The following SLFNL1 variants were observed in gnomAD, a reference collection of about 807,000 sequenced individuals.
SLFNL1 encodes the protein schlafen like 1, also known as schlafen-like protein 1.
In SLFNL1, 26 loss-of-function variants were observed where a neutral mutation model predicts 32.5. That is an observed-to-expected ratio of 0.80 (90% confidence interval 0.59 to 1.11). The LOEUF (loss-of-function observed/expected upper bound fraction) is 1.11. Ranked by LOEUF, SLFNL1 falls within the 50% of genes least tolerant of loss-of-function variation. SLFNL1 has a pLI of 0.00. For synonymous variants in SLFNL1, 255 were observed against 242.2 expected, an observed-to-expected ratio of 1.05 and a Z score of -0.49; for missense variants, 553 against 546.5, an observed-to-expected ratio of 1.01 and a Z score of -0.12.
In SLFNL1 at chr1:41,016,331, C is replaced by G; in HGVS notation, c.1102-103G>C. ...GAGGGAGGAAGGCAAAGCCCAGGAG[C>G]CTGAGAGCTTTCTCAGCTAGGGGAA... On this transcript the variant is annotated intron_variant, in intron 5 of 5. Coordinates refer to ENST00000302946, the MANE Select transcript of SLFNL1 (RefSeq NM_144990.4). 8 of 1,503,740 alleles carry G rather than the reference C, an allele frequency of 5.3e-6. No individual in the cohort carries two copies. The South Asian group carries it at 1.1e-4, about 20-fold the overall frequency. The allele number at this position is 1,503,740 out of a possible 1,614,324, so 93.1% of individuals were successfully genotyped here.
chr1:41,018,233 A>AC (rs1482430034), intron 3 of SLFNL1, 77 bp from the exon 4 acceptor site: 10 of 1,375,192 alleles, frequency 7.3e-6, no homozygotes, highest in Non-Finnish European at 9.5e-6. Context: ...GACTGCAAGA[A>AC]CCCCCAGTCA....
At position 41,015,967 on chromosome 1, in the gene SLFNL1, T is replaced by A; in HGVS notation, c.*139A>T. Reference sequence around the variant, plus strand: ...GGGTTGAAGCCACATGGGTGCCTGCTCATGTGCCATGTTGAAGGAGTCCCT... The same window carrying A: ...GGGTTGAAGCCACATGGGTGCCTGCACATGTGCCATGTTGAAGGAGTCCCT... On this transcript the variant is annotated 3_prime_UTR_variant, in exon 6 of 6. Transcript: ENST00000302946. 2 of 1,189,112 alleles carry A rather than the reference T, an allele frequency of 1.7e-6. No homozygotes were observed. Among genetic ancestry groups the A allele is most frequent in the Non-Finnish European group, 2.3e-6 (2 of 855,962 alleles). 73.7% of individuals were successfully genotyped at this position (1,189,112 alleles called of 1,614,324 possible).
rs370312980 is a variant in SLFNL1, at chr1:41,017,695, A to C, written c.897T>G (p.Asp299Glu). The C allele has an allele frequency of 4.4e-6, 7 of 1,579,396 alleles. No individual in the cohort carries two copies. The African/African-American group carries it at 9.4e-5, about 21-fold the overall frequency. Residue 299 changes from aspartate (D) to glutamate (E), a missense_variant, in exon 4 of 6, where the codon GAT becomes GAG. Physicochemically the swap from Asp to Glu is conservative, Grantham distance 45. Coordinates refer to ENST00000302946, the MANE Select transcript of SLFNL1 (RefSeq NM_144990.4). This position sits in a 1 kb window ranked among gnomAD's most constrained non-coding sequence, Gnocchi z 4.9. ...CAGGGATGAAGGTGAGAGTGTAGGC[A>C]TCGGGAAAGATCTGAGGCTTGAAGC... ...LQGFKPQIFP[D>E]AYTLTFIPVI...
Position 41,017,494 on chromosome 1 carries a change from A to G in SLFNL1, c.958-117T>C. 1.3e-6 allele frequency: 2 copies of G among 1,496,894 alleles called. No individual in the cohort carries two copies. The highest frequency in any genetic ancestry group is 8.9e-7 in the Non-Finnish European group (1 of 1,121,282). 92.7% of individuals were successfully genotyped at this position (1,496,894 alleles called of 1,614,324 possible). A position where few individuals can be genotyped will look rare whatever the true frequency, so the allele number is the denominator to read the frequency against. On this transcript the variant is annotated intron_variant, in intron 4 of 5. Coordinates refer to ENST00000302946, the MANE Select transcript of SLFNL1 (RefSeq NM_144990.4). The surrounding 1 kb of genome is among the most constrained non-coding windows in gnomAD (Gnocchi z 4.9). Reference sequence around the variant, plus strand: ...CTTAGGGCAGGCCAGCAGGGCTGGCACAGGGGCCATCCCCAGCCTCTTCTC... The same window carrying G: ...CTTAGGGCAGGCCAGCAGGGCTGGCGCAGGGGCCATCCCCAGCCTCTTCTC...
Position 41,016,165 on chromosome 1 carries a change from G to C in SLFNL1, c.1165C>G (p.Gln389Glu). Reference sequence around the variant, plus strand: ...TGCTGCTGCAGCTGCTGCTGGAGCTGCTCCTTCTCCATCATCAGCGCCTTC... The same window carrying C: ...TGCTGCTGCAGCTGCTGCTGGAGCTCCTCCTTCTCCATCATCAGCGCCTTC... Reference protein sequence around the residue: ...KMKALMMEKEQLQQQLQQHGP... With the variant: ...KMKALMMEKEELQQQLQQHGP... The change falls in exon 6 of 6, where the codon CAG (glutamine) becomes GAG (glutamate). Residue 389 changes from glutamine to glutamate, a missense_variant. Coordinates refer to ENST00000302946, the MANE Select transcript of SLFNL1 (RefSeq NM_144990.4). 6.2e-7 allele frequency: 1 copy of C among 1,614,152 alleles called. No individual in the cohort carries two copies. Among genetic ancestry groups the C allele is most frequent in the Non-Finnish European group, 8.5e-7 (1 of 1,180,026 alleles).
intron 3 of SLFNL1, among the ~76,000 whole-genome samples, 156 bp downstream of exon 3, chr1:41,020,070 C>T (rs931993734): frequency 2.0e-5 from 3 of 152,350 alleles, no homozygotes; most frequent in South Asian, 2.1e-4. Context: ...GTACCAGCCG[C>T]AAGCCATGGT....
rs1159333920 is a variant in SLFNL1 at position 41,017,955 on chromosome 1, A to G, written c.637T>C (p.Phe213Leu). 1.2e-6 allele frequency: 2 copies of G among 1,611,872 alleles called. No homozygotes were observed. Among genetic ancestry groups the G allele is most frequent in the African/African-American group, 1.3e-5 (1 of 74,940 alleles). ...TCGCTGCCCAGGAAGGCACCCTGGA[A>G]GAGCTGGTCCTTGCCCACGATCTGC... Reference protein sequence around the residue: ...HQQIVGKDQLFQGAFLGSETR... With the variant: ...HQQIVGKDQLLQGAFLGSETR... The change falls in exon 4 of 6, where the codon TTC becomes CTC. Residue 213 changes from phenylalanine (F) to leucine (L), a missense_variant. By Grantham distance (22) the Phe-to-Leu change is conservative (BLOSUM62 0). Transcript: ENST00000302946. This position sits in a 1 kb window ranked among gnomAD's most constrained non-coding sequence, Gnocchi z 4.9.
rs535574296 is a variant in SLFNL1 at position 41,017,147 on chromosome 1, T to A, written c.1101+87A>T. 1 of 1,433,048 alleles carries A rather than the reference T, an allele frequency of 7.0e-7. No homozygotes were observed. The highest frequency in any genetic ancestry group is 9.2e-7 in the Non-Finnish European group (1 of 1,087,102). The allele number at this position is 1,433,048 out of a possible 1,614,324, so 88.8% of individuals were successfully genotyped here. A position where few individuals can be genotyped will look rare whatever the true frequency, so the allele number is the denominator to read the frequency against. On this transcript the variant is annotated intron_variant, in intron 5 of 5. Transcript: ENST00000302946. The surrounding 1 kb of genome is among the most constrained non-coding windows in gnomAD (Gnocchi z 4.9). ...TGATGCAGGACCCAGGGAACCATGG[T>A]GGCTTGCCCTGGGCTGCTCAGTGGG... is the stretch of plus-strand genomic sequence containing the variant.
rs1048732384 is a variant in SLFNL1 at position 41,020,521 on chromosome 1, T to C, written c.140A>G (p.His47Arg). 1.5e-5 allele frequency: 24 copies of C among 1,613,380 alleles called. No individual in the cohort carries two copies. The Admixed American group carries it at 2.5e-4, about 17-fold the overall frequency. ...GTTCAGATGGCCCACATAGAGAGTG[T>C]GCGCCGAGGGAGCCTCCTCGAGGTC... Reference protein sequence around the residue: ...YSDLEEAPSAHTLYVGHLNPQ... With the variant: ...YSDLEEAPSARTLYVGHLNPQ... Residue 47 changes from histidine to arginine, a missense_variant, in exon 3 of 6, where the codon CAC (histidine) becomes CGC (arginine). His to Arg is a conservative substitution (Grantham distance 29). Transcript: ENST00000302946.
In SLFNL1 at chr1:41,020,737, T is replaced by A. The variant is rs535440553; in HGVS notation, c.-77A>T. The A allele has an allele frequency of 2.7e-5, 38 of 1,388,962 alleles. No homozygotes were observed. Among genetic ancestry groups the A allele is most frequent in the Non-Finnish European group, 3.8e-5 (38 of 1,012,970 alleles). The allele number at this position is 1,388,962 out of a possible 1,614,324, so 86.0% of individuals were successfully genotyped here. A position where few individuals can be genotyped will look rare whatever the true frequency, so the allele number is the denominator to read the frequency against. ...TCTCCCAGGGTCTGTGTTCTCAGTG[T>A]GGCTTAAGGGCTCCCAGAGGACTCA... On this transcript the variant is annotated 5_prime_UTR_variant, in exon 3 of 6. Coordinates refer to ENST00000302946, the MANE Select transcript of SLFNL1 (RefSeq NM_144990.4).
Position 41,020,742 on chromosome 1 carries a change from TA to T in SLFNL1, c.-83del. 1 of 1,342,048 alleles carries T rather than the reference TA, an allele frequency of 7.5e-7. No homozygotes were observed. Among genetic ancestry groups the T allele is most frequent in the South Asian group, 1.3e-5 (1 of 74,550 alleles). The allele number at this position is 1,342,048 out of a possible 1,614,324, so 83.1% of individuals were successfully genotyped here. On this transcript the variant is annotated 5_prime_UTR_variant, in exon 3 of 6. The change abolishes the stop of an existing upstream ORF in the 5' untranslated region. Transcript: ENST00000302946. Reference sequence around the variant, plus strand: ...CAGGGTCTGTGTTCTCAGTGTGGCTTAAGGGCTCCCAGAGGACTCAGGGAGT... The same window carrying T: ...CAGGGTCTGTGTTCTCAGTGTGGCTTAGGGCTCCCAGAGGACTCAGGGAGT...
In SLFNL1 at chr1:41,017,897, C is replaced by T; in HGVS notation, c.695G>A (p.Gly232Asp). 6.2e-7 allele frequency: 1 copy of T among 1,611,996 alleles called. No homozygotes were observed. Among genetic ancestry groups the T allele is most frequent in the Non-Finnish European group, 8.5e-7 (1 of 1,179,072 alleles). Residue 232 changes from glycine to aspartate, a missense_variant, in exon 4 of 6, where the codon GGC becomes GAC. Physicochemically the swap from Gly to Asp is moderately conservative, Grantham distance 94 (BLOSUM62 -1). Transcript: ENST00000302946. The surrounding 1 kb of genome is among the most constrained non-coding windows in gnomAD (Gnocchi z 4.9). Reference protein sequence around the residue: ...TRNMEFKRGSGEYLSLAFKHH... With the variant: ...TRNMEFKRGSDEYLSLAFKHH... ...CTTGAAGGCCAGGCTGAGGTACTCGCCGCTACCCCGCTTGAACTCCATATT... is the reference window on the plus strand; with the variant it reads ...CTTGAAGGCCAGGCTGAGGTACTCGTCGCTACCCCGCTTGAACTCCATATT...
rs1195727286 is a variant in SLFNL1 at position 41,016,109 on chromosome 1, C to A, written c.1221G>T (p.Leu407=). Residue 407 remains leucine, a synonymous_variant, in exon 6 of 6, where the codon CTG becomes CTT. Coordinates refer to ENST00000302946, the MANE Select transcript of SLFNL1 (RefSeq NM_144990.4). ...TCCTGCCTGCTCCCCAGGGCCCTCA[C>A]AGGACACAGCAGGTGCAGGACACAG... ...HGPVSCTCCV[L] 2 of 1,613,064 alleles carry A rather than the reference C, an allele frequency of 1.2e-6. No homozygotes were observed. Among genetic ancestry groups the A allele is most frequent in the Non-Finnish European group, 1.7e-6 (2 of 1,179,552 alleles).
chr1:41,018,772 C>T (rs548712882), intron 3 of SLFNL1, among the ~76,000 whole-genome samples: 6 of 151,228 alleles, frequency 4.0e-5, no homozygotes, highest in Admixed American at 2.0e-4. Flanking sequence ...GCCTCCCCAG[C>T]GAGCCCCTCC....
At chr1:41,019,545 A>C (rs1267545580) in intron 3 of SLFNL1, among the ~76,000 whole-genome samples, 4 of 152,118 alleles carry the variant, frequency 2.6e-5, no homozygotes, top group Non-Finnish European at 4.4e-5. Flanking sequence ...TGGGAGCTCC[A>C]GGGACACCAA....
At chr1:41,020,158 C>G in intron 3 of SLFNL1, 68 bp downstream of exon 3, 1 of 1,478,106 alleles carries the variant, frequency 6.8e-7, no homozygotes, top group East Asian at 2.3e-5. Context: ...ACTCTGCAGG[C>G]CACTCCCACT....
chr1:41,021,172 T>C (rs1194965565), intron 1 of SLFNL1: 1 of 156,066 alleles, frequency 6.4e-6, no homozygotes, highest in Non-Finnish European at 1.4e-5. Context: ...GGTGGCCCCA[T>C]TGCAGCTTCT....
Position 41,020,603 on chromosome 1 carries a change from A to T in SLFNL1, c.58T>A (p.Trp20Arg). 2.5e-6 allele frequency: 4 copies of T among 1,613,416 alleles called. No homozygotes were observed. The highest frequency in any genetic ancestry group is 3.4e-6 in the Non-Finnish European group (4 of 1,180,004). Reference sequence around the variant, plus strand: ...AGCTCCGGCAGGGACTCCTCACCCCAGGACTCCATGAAGGGCTCTGACACC... The same window carrying T: ...AGCTCCGGCAGGGACTCCTCACCCCTGGACTCCATGAAGGGCTCTGACACC... ...TQVSEPFMES[W>R]GEESLPELPA... Residue 20 changes from tryptophan (W) to arginine (R), a missense_variant, in exon 3 of 6, where the codon TGG (tryptophan) becomes AGG (arginine). Coordinates refer to ENST00000302946, the MANE Select transcript of SLFNL1 (RefSeq NM_144990.4).
At position 41,016,136 on chromosome 1, in the gene SLFNL1, C is replaced by A. The variant is rs1643299484; in HGVS notation, c.1194G>T (p.Gly398=). The change falls in exon 6 of 6, where the codon GGG becomes GGT. Residue 398 remains glycine (G), a synonymous_variant. Transcript: ENST00000302946. Reference sequence around the variant, plus strand: ...GGACACAGCAGGTGCAGGACACAGGCCCGTGCTGCTGCAGCTGCTGCTGGA... The same window carrying A: ...GGACACAGCAGGTGCAGGACACAGGACCGTGCTGCTGCAGCTGCTGCTGGA... ...EQLQQQLQQH[G]PVSCTCCVL is the part of the protein sequence containing the mutation. 6.2e-7 allele frequency: 1 copy of A among 1,614,140 alleles called. No individual in the cohort carries two copies. The highest frequency in any genetic ancestry group is 1.1e-5 in the South Asian group (1 of 91,086).
Sources: allele counts gnomAD v4.1 joint callset (sites outside exome capture counted in the v4.1 genomes callset), GRCh38; gene constraint gnomAD v4.1.1; non-coding constraint Gnocchi (gnomAD v3.1); transcripts MANE v1.5; gene names NCBI Gene and HGNC (gene_info 2026-07-23, HGNC 2026-07-21).